MTSS1: variants seen among roughly 807,000 people sequenced by gnomAD.
MTSS1 encodes the protein protein MTSS 1.
A neutral mutation model predicts 79.0 loss-of-function variants in MTSS1; 18 were observed. The observed-to-expected ratio is 0.23, with a 90% CI of 0.16 to 0.34. The LOEUF (loss-of-function observed/expected upper bound fraction) is 0.34, where lower values mean the gene tolerates loss of function less well. MTSS1 is among the 10% of genes least tolerant of loss of function. MTSS1 has a pLI of 1.00. For synonymous variants in MTSS1, 341 were observed against 368.6 expected (o/e 0.93, Z 0.86); for missense variants, 815 against 986.2 (o/e 0.83, Z 2.33).
At chr8:124,667,160 G>T (rs1587694180) in intron 3 of MTSS1, among the ~76,000 whole-genome samples, 1 of 152,146 alleles carries the variant, frequency 6.6e-6, no homozygotes, top group East Asian at 1.9e-4. Flanking sequence ...TGAGGAGAAG[G>T]CATGACCCTC....
At chr8:124,594,936 A>G (rs1832496525) in intron 3 of MTSS1, among the ~76,000 whole-genome samples, 1 of 152,240 alleles carries the variant, frequency 6.6e-6, no homozygotes, top group Non-Finnish European at 1.5e-5. Flanking sequence ...GACATCTGGA[A>G]GAGCTCCCAT....
chr8:124,620,119 A>G (rs1171113188), intron 3 of MTSS1, among the ~76,000 whole-genome samples: 4 of 151,834 alleles, frequency 2.6e-5, no homozygotes, highest in Non-Finnish European at 4.4e-5. Context: ...CTAATTTTTT[A>G]TTTTTAGTAG....
rs745943282 is a variant in MTSS1, at chr8:124,553,242, G to A, written c.2018C>T (p.Pro673Leu). ...SMWSGQASVNPPLPGPKPSIP... is the reference protein window; with the variant it reads ...SMWSGQASVNLPLPGPKPSIP... Reference sequence around the variant, plus strand: ...ACTGGGCTTCGGGCCTGGAAGTGGAGGGTTAACGGAAGCTTGGCCGCTCCA... The same window carrying A: ...ACTGGGCTTCGGGCCTGGAAGTGGAAGGTTAACGGAAGCTTGGCCGCTCCA... The change falls in exon 14 of 14, where the codon CCT becomes CTT. Residue 673 changes from proline (P) to leucine (L), a missense_variant. Physicochemically the swap from Pro to Leu is moderately conservative, Grantham distance 98. Transcript: ENST00000518547. The surrounding 1 kb of genome is among the most constrained non-coding windows in gnomAD (Gnocchi z 6.0). The A allele has an allele frequency of 6.2e-7, 1 of 1,614,188 alleles. No individual in the cohort carries two copies. Among genetic ancestry groups the A allele is most frequent in the South Asian group, 1.1e-5 (1 of 91,088 alleles).
At chr8:124,607,587 G>A (rs141504251) in intron 3 of MTSS1, among the ~76,000 whole-genome samples, 18 of 152,246 alleles carry the variant, frequency 1.2e-4, no homozygotes, top group African/African-American at 3.4e-4. Context: ...AAGCAGCACC[G>A]TGACACGACC....
At chr8:124,697,915 G>A (rs1829107849) in intron 3 of MTSS1, 1 of 152,146 alleles carries the variant, frequency 6.6e-6, no homozygotes, top group Non-Finnish European at 1.5e-5. Context: ...CTGGCATCCC[G>A]GAAATGAGGA....
At chr8:124,688,138 CAAAA>C (rs1030021248) in intron 3 of MTSS1, among the ~76,000 whole-genome samples, 3 of 151,986 alleles carry the variant, frequency 2.0e-5, no homozygotes, top group African/African-American at 7.2e-5. Flanking sequence ...ATTTGGGAAT[CAAAA>C]AACGTGTATT....
rs567759910 is a variant in MTSS1 at position 124,727,986 on chromosome 8, ACGCGGGGCCGCTGGACTGCG to A, written c.-51_-32del. On this transcript the variant is annotated 5_prime_UTR_variant, in exon 1 of 14. Coordinates refer to ENST00000518547, the MANE Select transcript of MTSS1 (RefSeq NM_014751.6). The surrounding 1 kb of genome is among the most constrained non-coding windows in gnomAD (Gnocchi z 4.7). ...CGGCTCCGGCAGGGCGAGGGCACAC[ACGCGGGGCCGCTGGACTGCG>A]CGCGGGGCCGGGGCTCGCTCACCCC... 369 of 1,599,226 alleles carry A rather than the reference ACGCGGGGCCGCTGGACTGCG, an allele frequency of 2.3e-4. 1 individual carries two copies. The African/African-American group carries it at 4.4e-3, about 19-fold the overall frequency.
chr8:124,715,568 C>A (rs1831817427), intron 1 of MTSS1, among the ~76,000 whole-genome samples: 1 of 152,190 alleles, frequency 6.6e-6, no homozygotes, highest in South Asian at 2.1e-4. Flanking sequence ...ACAGATAGCA[C>A]CTCCTCTGTG....
chr8:124,634,909 G>GT (rs1351230345), intron 3 of MTSS1, among the ~76,000 whole-genome samples: 1 of 152,174 alleles, frequency 6.6e-6, no homozygotes, highest in Non-Finnish European at 1.5e-5. Flanking sequence ...GGGAAGTGCC[G>GT]TTCTATGCTG....
chr8:124,586,601 G>T (rs188407648), intron 5 of MTSS1, among the ~76,000 whole-genome samples: 1 of 152,190 alleles, frequency 6.6e-6, no homozygotes, highest in Non-Finnish European at 1.5e-5. Context: ...CTAGCAGAGT[G>T]GGTTGCGTGT....
intron 13 of MTSS1, among the ~76,000 whole-genome samples, chr8:124,554,093 A>G (rs1244887669): frequency 1.3e-5 from 2 of 152,234 alleles, no homozygotes; most frequent in Admixed American, 1.3e-4. Flanking sequence ...AGGCTATAAC[A>G]TCTCCCTGAT....
intron 3 of MTSS1, among the ~76,000 whole-genome samples, chr8:124,670,735 G>T (rs1194166835): frequency 1.3e-5 from 2 of 152,124 alleles, no homozygotes; most frequent in Admixed American, 1.3e-4. Flanking sequence ...GCAATAAAAA[G>T]AGCTCCTGGC....
chr8:124,570,487 T>C (rs1035866460), intron 6 of MTSS1, among the ~76,000 whole-genome samples: 4 of 152,248 alleles, frequency 2.6e-5, no homozygotes, highest in African/African-American at 9.6e-5. Flanking sequence ...TATATTGTTA[T>C]AATTGTTCTA....
At chr8:124,646,104 T>G (rs535690424) in intron 3 of MTSS1, among the ~76,000 whole-genome samples, 7 of 152,348 alleles carry the variant, frequency 4.6e-5, no homozygotes, top group African/African-American at 1.4e-4. Flanking sequence ...AAGGCATTCC[T>G]GGGCCACGCT....
At chr8:124,601,309 G>A (rs112387967) in intron 3 of MTSS1, among the ~76,000 whole-genome samples, 426 of 152,100 alleles carry the variant, frequency 2.8e-3, no homozygotes, top group African/African-American at 8.6e-3. Flanking sequence ...TGATCCACCC[G>A]CCTTGACCTC....
At chr8:124,707,350 C>A (rs1386238398) in intron 1 of MTSS1, among the ~76,000 whole-genome samples, 2 of 151,194 alleles carry the variant, frequency 1.3e-5, no homozygotes, top group Admixed American at 1.3e-4. Flanking sequence ...AGTTCAAGAC[C>A]AGCCCAGACA....
At chr8:124,564,129 CAAAAA>C (rs56313535) in intron 9 of MTSS1, among the ~76,000 whole-genome samples, 2 of 87,818 alleles carry the variant, frequency 2.3e-5, no homozygotes, top group Admixed American at 2.5e-4. Flanking sequence ...GACCCGATCT[CAAAAA>C]AAAAAAAAAA....
intron 8 of MTSS1, among the ~76,000 whole-genome samples, chr8:124,566,409 A>G (rs1826470306): frequency 6.6e-6 from 1 of 152,164 alleles, no homozygotes; most frequent in East Asian, 1.9e-4. Flanking sequence ...AGAAAACATG[A>G]GCTCCCAAAT....
At chr8:124,598,949 C>T (rs1833247161) in intron 3 of MTSS1, among the ~76,000 whole-genome samples, 1 of 152,214 alleles carries the variant, frequency 6.6e-6, no homozygotes, top group African/African-American at 2.4e-5. Context: ...GATAAGAAAG[C>T]CACCTCCAAC....
Sources: allele counts gnomAD v4.1 joint callset (sites outside exome capture counted in the v4.1 genomes callset), GRCh38; gene constraint gnomAD v4.1.1; non-coding constraint Gnocchi (gnomAD v3.1); transcripts MANE v1.5; gene names NCBI Gene and HGNC (gene_info 2026-07-23, HGNC 2026-07-21).